Variants in DNAAF11 observed in about 807,000 individuals in gnomAD.
The protein encoded by DNAAF11 is leucine rich repeat containing 6.
Under a neutral mutation model 60.8 loss-of-function variants are expected in DNAAF11, and 45 were observed. The observed-to-expected ratio is 0.74, with a 90% confidence interval of 0.58 to 0.95. The LOEUF (loss-of-function observed/expected upper bound fraction) is 0.95, where lower values mean the gene tolerates loss of function less well. Among genes scored for constraint, DNAAF11 ranks in the 40% least tolerant of loss-of-function variants. The probability of loss-of-function intolerance (pLI) is 0.00; values close to 1 mark genes in which losing one functional copy is unlikely to be tolerated. For synonymous variants in DNAAF11, 191 were observed against 183.5 expected, an observed-to-expected ratio of 1.04 and a Z score of -0.33; for missense variants, 546 against 546.2, an observed-to-expected ratio of 1.00 and a Z score of 0.00.
chr8:132,576,229 A>G (rs1303040155), intron 11 of DNAAF11, among the ~76,000 whole-genome samples: 2 of 152,092 alleles, frequency 1.3e-5, no homozygotes, highest in African/African-American at 2.4e-5. Flanking sequence ...TTTAATTGCT[A>G]TTTGTCACAA....
rs560197337 is a variant in DNAAF11 at position 132,637,737 on chromosome 8, G to A, written c.429+198C>T. 1.7e-3 allele frequency among the ~76,000 whole-genome samples: 265 copies of A among 152,300 alleles called. 1 individual carries two copies. Among genetic ancestry groups the A allele is most frequent in the Middle Eastern group, 3.4e-3 (1 of 294 alleles). ...TTTGGATGAGAAAGGTGAAAAGTAT[G>A]CAATTTATTTTTCAGGGATTTATTA... is the stretch of plus-strand genomic sequence containing the variant. On this transcript the variant is annotated intron_variant, in intron 4 of 11. Coordinates refer to ENST00000620350, the MANE Select transcript of DNAAF11 (RefSeq NM_012472.6).
At position 132,638,013 on chromosome 8, in the gene DNAAF11, C is replaced by T; in HGVS notation, c.351G>A (p.Glu117=). The part of the protein sequence containing the change: ...KNLQHNIHLK[E]LFLMGNPCAS... ...CACATGGGTTCCCCATGAGAAAGAGCTCCTTCAGATGGATATTGTGCTGCA... is the reference window on the plus strand; with the variant it reads ...CACATGGGTTCCCCATGAGAAAGAGTTCCTTCAGATGGATATTGTGCTGCA... The change falls in exon 4 of 12, where the codon GAG becomes GAA. Residue 117 remains glutamate, a synonymous_variant. Coordinates refer to ENST00000620350, the MANE Select transcript of DNAAF11 (RefSeq NM_012472.6). 6.2e-7 allele frequency: 1 copy of T among 1,614,094 alleles called. No individual in the cohort carries two copies. The highest frequency in any genetic ancestry group is 1.3e-5 in the African/African-American group (1 of 75,080).
At position 132,669,940 on chromosome 8, in the gene DNAAF11, CAA is replaced by C. The variant is rs35402875; in HGVS notation, c.10+5542_10+5543del. Among the ~76,000 whole-genome samples the C allele has an allele frequency of 4.8e-3, 335 of 69,736 alleles. 1 individual carries two copies. The highest frequency in any genetic ancestry group is 0.011 in the African/African-American group (268 of 25,018). 45.7% of individuals were successfully genotyped at this position (69,736 alleles called of 152,430 possible). On this transcript the variant is annotated intron_variant, in intron 1 of 11. Transcript: ENST00000620350. ...TGGGTGACAGAGCAAGACTCCGTCT[CAA>C]AAAAAAAAAAAAAAAAAAAAAAATT... is the stretch of plus-strand genomic sequence containing the variant.
At chr8:132,580,615 A>G (rs1815225144) in intron 11 of DNAAF11, among the ~76,000 whole-genome samples, 1 of 152,230 alleles carries the variant, frequency 6.6e-6, no homozygotes, top group South Asian at 2.1e-4. Flanking sequence ...ATAAAATAAT[A>G]CATTTGTGAT....
the DNAAF11 span, among the ~76,000 whole-genome samples, chr8:132,694,550 C>T: frequency 2.6e-5 from 4 of 152,204 alleles, no homozygotes; most frequent in African/African-American, 9.7e-5. Flanking sequence ...GTTTATAATA[C>T]TTTGTTACAG....
chr8:132,644,497 G>A (rs1283396206), intron 3 of DNAAF11, among the ~76,000 whole-genome samples: 3 of 152,116 alleles, frequency 2.0e-5, no homozygotes, highest in Non-Finnish European at 2.9e-5. Flanking sequence ...TGGACAATGG[G>A]TGCAGCTCAC....
intron 4 of DNAAF11, among the ~76,000 whole-genome samples, chr8:132,636,498 A>G (rs1821309884): frequency 6.6e-6 from 1 of 152,128 alleles, no homozygotes; most frequent in African/African-American, 2.4e-5. Context: ...TGGGTCTGGG[A>G]GGATCAAAAA....
At chr8:132,689,622 A>T in the DNAAF11 span, among the ~76,000 whole-genome samples, 1 of 152,178 alleles carries the variant, frequency 6.6e-6, no homozygotes, top group Non-Finnish European at 1.5e-5. Flanking sequence ...TAAAAAATTA[A>T]AATATACTAT....
rs150149317 is a variant in DNAAF11, at chr8:132,582,961, G to A, written c.1226+733C>T. 2.0e-5 allele frequency among the ~76,000 whole-genome samples: 3 copies of A among 152,294 alleles called. No homozygotes were observed. In the East Asian group the frequency reaches 5.8e-4, roughly 29 times the overall value. ...CTTTGTGCAAATTACTTTAAGGGAT[G>A]TCATTGCTTAAGGGAGATTGGCTTG... On this transcript the variant is annotated intron_variant, in intron 11 of 11. Coordinates refer to ENST00000620350, the MANE Select transcript of DNAAF11 (RefSeq NM_012472.6).
intron 1 of DNAAF11, among the ~76,000 whole-genome samples, chr8:132,662,967 T>C (rs1002440271): frequency 2.0e-5 from 3 of 152,242 alleles, no homozygotes; most frequent in Non-Finnish European, 2.9e-5. Flanking sequence ...CTGCTACTTC[T>C]AGTGGTAGGA....
chr8:132,617,255 A>T (rs193173500), intron 7 of DNAAF11, among the ~76,000 whole-genome samples: 8 of 152,294 alleles, frequency 5.3e-5, no homozygotes, highest in African/African-American at 1.9e-4. Context: ...AGCGAATGTG[A>T]AAAGGGAAGA....
intron 7 of DNAAF11, among the ~76,000 whole-genome samples, chr8:132,619,115 G>T (rs1344897624): frequency 1.3e-5 from 2 of 152,248 alleles, no homozygotes; most frequent in Non-Finnish European, 2.9e-5. Flanking sequence ...ATACTATGCA[G>T]CCATAAAAAA....
intron 7 of DNAAF11, among the ~76,000 whole-genome samples, chr8:132,619,256 C>T (rs528749308): frequency 1.9e-4 from 28 of 145,240 alleles, no homozygotes; most frequent in African/African-American, 7.3e-4. Flanking sequence ...AATGAGAACA[C>T]ATGGACAGAG....
chr8:132,692,676 T>C, the DNAAF11 span, among the ~76,000 whole-genome samples: 12 of 152,190 alleles, frequency 7.9e-5, no homozygotes, highest in Admixed American at 2.0e-4. Context: ...TTGAACCACT[T>C]CTTCACCCTG....
intron 10 of DNAAF11, among the ~76,000 whole-genome samples, chr8:132,604,821 T>C (rs779519304): frequency 2.6e-5 from 4 of 152,138 alleles, no homozygotes; most frequent in African/African-American, 9.7e-5. Context: ...TTAGGACATG[T>C]GTAGCAACTA....
chr8:132,632,970 G>C lies in DNAAF11; in HGVS notation c.430-7C>G, dbSNP rs778844790. The stretch of plus-strand genomic sequence containing the variant: ...TTTCTTTACCATCCAACCACTTAAA[G>C]AAAAACAATAAATATAGTACAATTG... On this transcript the variant is annotated splice_polypyrimidine_tract_variant and splice_region_variant and intron_variant, in intron 4 of 11. Transcript: ENST00000620350. 6.3e-7 allele frequency: 1 copy of C among 1,592,130 alleles called. No individual in the cohort carries two copies. The highest frequency in any genetic ancestry group is 1.1e-5 in the South Asian group (1 of 90,518).
At chr8:132,697,564 G>T in the DNAAF11 span, among the ~76,000 whole-genome samples, 1 of 151,774 alleles carries the variant, frequency 6.6e-6, no homozygotes, top group Non-Finnish European at 1.5e-5. Flanking sequence ...GTTGCAGTGA[G>T]CTGAGATTTT....
rs1026448761 is a variant in DNAAF11, at chr8:132,675,378, G to A, written c.10+106C>T. On this transcript the variant is annotated intron_variant, in intron 1 of 11. Coordinates refer to ENST00000620350, the MANE Select transcript of DNAAF11 (RefSeq NM_012472.6). ...TGGGGTTAGGGTCCGCCCAGGCGCG[G>A]GGGAACCGACAGCGCAGGGCGGGAG... 4.0e-5 allele frequency: 52 copies of A among 1,311,346 alleles called. No individual in the cohort carries two copies. The South Asian group carries it at 6.5e-4, about 16-fold the overall frequency. 81.2% of individuals were successfully genotyped at this position (1,311,346 alleles called of 1,614,324 possible). A position where few individuals can be genotyped will look rare whatever the true frequency, so the allele number is the denominator to read the frequency against.
intron 10 of DNAAF11, among the ~76,000 whole-genome samples, chr8:132,596,335 C>A (rs925847404): frequency 1.3e-5 from 2 of 152,016 alleles, no homozygotes; most frequent in African/African-American, 4.8e-5. Context: ...CCTTGAGTAA[C>A]CAGAGAGCAA....
Sources: gnomAD v4.1 joint callset for allele counts (sites outside exome capture counted in the v4.1 genomes callset) on GRCh38, gnomAD v4.1.1 for gene constraint, MANE v1.5 for transcripts, NCBI Gene and HGNC (gene_info 2026-07-23, HGNC 2026-07-21) for gene names.